Variants in CRPPA observed in about 807,000 individuals in gnomAD.
CRPPA encodes CDP-L-ribitol pyrophosphorylase A.
CRPPA carries 43 observed loss-of-function variants against 52.0 expected under a neutral mutation model. The ratio of observed to expected loss-of-function variants is 0.83; its 90% confidence interval spans 0.65 to 1.07. CRPPA has a LOEUF of 1.07. CRPPA is among the 50% of genes least tolerant of loss of function. The pLI is 0.00. For synonymous variants in CRPPA, 250 were observed against 203.5 expected (o/e 1.23, Z -1.94); for missense variants, 629 against 551.7 (o/e 1.14, Z -1.40).
At chr7:16,181,452 C>G (rs1231074408) in intron 9 of CRPPA, among the ~76,000 whole-genome samples, 1 of 151,850 alleles carries the variant, frequency 6.6e-6, no homozygotes, top group Non-Finnish European at 1.5e-5. Context: ...TTAAACAGGT[C>G]AAATTATTGA....
At position 16,214,002 on chromosome 7, in the gene CRPPA, G is replaced by C. The variant is rs151039224; in HGVS notation, c.1251+2064C>G. Among the ~76,000 whole-genome samples the C allele has an allele frequency of 8.3e-4, 127 of 152,200 alleles. 1 individual carries two copies. The highest frequency in any genetic ancestry group is 1.5e-3 in the Non-Finnish European group (100 of 68,008). ...ATTTTACATGAGTTACTGAGCATTG[G>C]ATAAAGTCAGAAAACTTTATACTAC... is the stretch of plus-strand genomic sequence containing the variant. On this transcript the variant is annotated intron_variant, in intron 9 of 9. Coordinates refer to ENST00000407010, the MANE Select transcript of CRPPA (RefSeq NM_001101426.4).
intron 9 of CRPPA, among the ~76,000 whole-genome samples, chr7:16,131,301 T>C (rs1782676425): frequency 6.6e-6 from 1 of 152,170 alleles, no homozygotes; most frequent in South Asian, 2.1e-4. Context: ...AGAGGAAAGC[T>C]ATAGAGAAAG....
chr7:16,187,973 T>C (rs1412454382), intron 9 of CRPPA, among the ~76,000 whole-genome samples: 1 of 151,856 alleles, frequency 6.6e-6, no homozygotes, highest in African/African-American at 2.4e-5. Context: ...TGTAAGGTGA[T>C]CTAGTTTGTG....
At chr7:16,227,200 G>A (rs75666117) in intron 8 of CRPPA, among the ~76,000 whole-genome samples, 1,550 of 152,052 alleles carry the variant, frequency 0.01, 26 homozygotes, top group African/African-American at 0.035. Context: ...ATGAACATAA[G>A]AGTACAGATG....
At chr7:16,262,011 C>G (rs2128413372) in intron 6 of CRPPA, 1 of 152,198 alleles carries the variant, frequency 6.6e-6, no homozygotes, top group African/African-American at 2.4e-5. Context: ...TGAGGTTGGA[C>G]TATCCTACGT....
At chr7:16,256,335 C>T (rs925142109) in intron 8 of CRPPA, among the ~76,000 whole-genome samples, 2 of 150,932 alleles carry the variant, frequency 1.3e-5, no homozygotes, top group Non-Finnish European at 3.0e-5. Flanking sequence ...CTGTTGGTGA[C>T]ATTGTGGAAG....
chr7:16,294,666 G>A (rs77313401), intron 5 of CRPPA, among the ~76,000 whole-genome samples: 2,186 of 151,912 alleles, frequency 0.014, 62 homozygotes, highest in African/African-American at 0.05. Context: ...CTGAAAATTC[G>A]GAAAATTAAG....
chr7:16,287,786 GT>G (rs1365004541), intron 5 of CRPPA, among the ~76,000 whole-genome samples: 1 of 152,078 alleles, frequency 6.6e-6, no homozygotes, highest in Non-Finnish European at 1.5e-5. Context: ...GCTGAGCGTG[GT>G]GGTGTGTGCC....
rs76847026 is a variant in CRPPA at position 16,105,889 on chromosome 7, C to A, written c.1252-14090G>T. ...TGAAGCTAAAAGTCCTACCCAATGA[C>A]CCCATTCAGGAAAGAAGAATCCTAC... On this transcript the variant is annotated intron_variant, in intron 9 of 9. Transcript: ENST00000407010. Among the ~76,000 whole-genome samples, 244 of 152,222 alleles carry A rather than the reference C, an allele frequency of 1.6e-3. No individual in the cohort carries two copies. In the East Asian group the frequency reaches 0.021, roughly 13 times the overall value.
intron 2 of CRPPA, 89 bp from the exon 3 acceptor site, chr7:16,376,330 T>C (rs1562663014): frequency 7.7e-7 from 1 of 1,291,200 alleles, no homozygotes. Context: ...TTGACAGATC[T>C]TATTCATACC....
chr7:16,124,111 T>C (rs796962111), intron 9 of CRPPA, among the ~76,000 whole-genome samples: 159 of 146,228 alleles, frequency 1.1e-3, no homozygotes, highest in African/African-American at 3.3e-3. Flanking sequence ...TTCTTTCTTT[T>C]TTTATTTTTT....
chr7:16,334,374 G>C (rs913666391), intron 3 of CRPPA, among the ~76,000 whole-genome samples: 3 of 152,168 alleles, frequency 2.0e-5, no homozygotes, highest in African/African-American at 7.2e-5. Flanking sequence ...CAGCAGGTTA[G>C]GGAATACCCA....
intron 6 of CRPPA, among the ~76,000 whole-genome samples, chr7:16,264,910 G>A (rs1446934468): frequency 6.6e-6 from 1 of 152,138 alleles, no homozygotes; most frequent in Non-Finnish European, 1.5e-5. Flanking sequence ...TCTCCAGAAC[G>A]TCGTTGCTGT....
chr7:16,157,973 C>G lies in CRPPA; in HGVS notation c.1251+58093G>C, dbSNP rs538304370. Among the ~76,000 whole-genome samples, 259 of 152,004 alleles carry G rather than the reference C, an allele frequency of 1.7e-3. 1 individual carries two copies. The highest frequency in any genetic ancestry group is 3.1e-3 in the Non-Finnish European group (212 of 67,974). On this transcript the variant is annotated intron_variant, in intron 9 of 9. Coordinates refer to ENST00000407010, the MANE Select transcript of CRPPA (RefSeq NM_001101426.4). Reference sequence around the variant, plus strand: ...CACTGCAACCTCCACCTCGGGGAATCAAGCGATTCCCCTGCCTCAGCCTCC... The same window carrying G: ...CACTGCAACCTCCACCTCGGGGAATGAAGCGATTCCCCTGCCTCAGCCTCC...
intron 9 of CRPPA, among the ~76,000 whole-genome samples, chr7:16,155,834 C>A (rs573826216): frequency 1.2e-4 from 19 of 152,198 alleles, no homozygotes; most frequent in African/African-American, 3.9e-4. Flanking sequence ...GTCAACTGTA[C>A]AAACTCCTTA....
chr7:16,351,612 A>C (rs887261902), intron 3 of CRPPA, among the ~76,000 whole-genome samples: 5 of 152,344 alleles, frequency 3.3e-5, no homozygotes, highest in African/African-American at 9.6e-5. Context: ...TAAGGATATG[A>C]ACAGACACTT....
At chr7:16,411,875 T>C (rs1387393234) in intron 1 of CRPPA, among the ~76,000 whole-genome samples, 3 of 152,196 alleles carry the variant, frequency 2.0e-5, no homozygotes, top group East Asian at 3.8e-4. Context: ...TCACTTTTCA[T>C]AGTATATTCT....
chr7:16,284,204 T>G (rs1784376316), intron 5 of CRPPA, among the ~76,000 whole-genome samples: 1 of 152,050 alleles, frequency 6.6e-6, no homozygotes, highest in Non-Finnish European at 1.5e-5. Context: ...CCACTCAAAA[T>G]TGAATAAGAA....
Position 16,088,410 on chromosome 7 carries a change from C to CCCTTT in CRPPA, c.*3284_*3285insAAAGG, listed in dbSNP as rs1781740563. On this transcript the variant is annotated 3_prime_UTR_variant, in exon 10 of 10. Transcript: ENST00000407010. ...TAACTGTAAAGTTACCTCTGGATCT[C>CCCTTT]TCTTTTTTTTTTTTTTTTTTTTTTT... The CCCTTT allele has an allele frequency of 2.8e-5, 3 of 108,844 alleles. No individual in the cohort carries two copies. The highest frequency in any genetic ancestry group is 2.8e-5 in the African/African-American group (1 of 35,442). 6.7% of individuals were successfully genotyped at this position (108,844 alleles called of 1,614,324 possible). A position where few individuals can be genotyped will look rare whatever the true frequency, so the allele number is the denominator to read the frequency against.
Sources: allele counts gnomAD v4.1 joint callset (sites outside exome capture counted in the v4.1 genomes callset), GRCh38; gene constraint gnomAD v4.1.1; transcripts MANE v1.5; gene names NCBI Gene and HGNC (gene_info 2026-07-23, HGNC 2026-07-21).